CADM2: variants seen among roughly 807,000 people sequenced by gnomAD.
CADM2 encodes the protein immunoglobulin superfamily member 4D.
A neutral mutation model predicts 49.8 loss-of-function variants in CADM2; 12 were observed. The observed-to-expected ratio is 0.24, with a 90% CI of 0.15 to 0.39. The LOEUF (loss-of-function observed/expected upper bound fraction) is 0.39, where lower values mean the gene tolerates loss of function less well. Among genes scored for constraint, CADM2 ranks in the 10% least tolerant of loss-of-function variants. The pLI, the probability that CADM2 is intolerant of heterozygous loss-of-function variation, is 1.00. For missense variants in CADM2, 378 were observed against 492.3 expected, an observed-to-expected ratio of 0.77 and a Z score of 2.20; for synonymous variants, 214 against 175.4, an observed-to-expected ratio of 1.22 and a Z score of -1.74.
chr3:86,039,746 A>G (rs1324704979), intron 8 of CADM2, among the ~76,000 whole-genome samples: 1 of 152,180 alleles, frequency 6.6e-6, no homozygotes, highest in Non-Finnish European at 1.5e-5. Flanking sequence ...TGGTTCTCCC[A>G]GCAGGCAGCT....
intron 8 of CADM2, among the ~76,000 whole-genome samples, chr3:85,990,731 TTGTTCTTTTGTGAATATCAA>T (rs1293165681): frequency 6.6e-6 from 1 of 152,184 alleles, no homozygotes; most frequent in African/African-American, 2.4e-5. Context: ...AAAAATGACT[TTGTTCTTTTGTGAATATCAA>T]TGAGATTATC....
Position 85,565,884 on chromosome 3 carries a change from C to CT in CADM2, c.62-160628dup, listed in dbSNP as rs75142626. Among the ~76,000 whole-genome samples the CT allele has an allele frequency of 6.4e-4, 97 of 150,572 alleles. 1 individual carries two copies. The highest frequency in any genetic ancestry group is 1.8e-3 in the African/African-American group (73 of 40,878). ...TTCCATCGTTTTCTTTTAACTTACACTTTTTTTTTTGTTTAAGTACTCCAA... is the reference window on the plus strand; with the variant it reads ...TTCCATCGTTTTCTTTTAACTTACACTTTTTTTTTTTGTTTAAGTACTCCAA... On this transcript the variant is annotated intron_variant, in intron 1 of 9. Transcript: ENST00000383699.
chr3:85,044,031 G>T (rs2107375280), intron 1 of CADM2, among the ~76,000 whole-genome samples: 1 of 152,140 alleles, frequency 6.6e-6, no homozygotes, highest in South Asian at 2.1e-4. Flanking sequence ...TGGTTCAGCA[G>T]GGTTAATGAA....
At chr3:84,974,961 A>G (rs377764842) in intron 1 of CADM2, among the ~76,000 whole-genome samples, 1 of 151,876 alleles carries the variant, frequency 6.6e-6, no homozygotes, top group African/African-American at 2.4e-5. Context: ...AAATGCTGCA[A>G]ATATGTGATC....
chr3:85,184,025 T>C lies in CADM2; in HGVS notation c.61+224357T>C, dbSNP rs111656981. Reference sequence around the variant, plus strand: ...ATGGTTAGATCATTAGGTGTTTGAATGACAAGATGTCCAGAAAACTGTAAG... The same window carrying C: ...ATGGTTAGATCATTAGGTGTTTGAACGACAAGATGTCCAGAAAACTGTAAG... On this transcript the variant is annotated intron_variant, in intron 1 of 9. Coordinates refer to ENST00000383699, the MANE Select transcript of CADM2 (RefSeq NM_001167675.2). Among the ~76,000 whole-genome samples the C allele has an allele frequency of 6.9e-3, 1,051 of 152,222 alleles. 9 individuals are homozygous for C. Among genetic ancestry groups the C allele is most frequent in the African/African-American group, 0.023 (961 of 41,540 alleles).
intron 1 of CADM2, among the ~76,000 whole-genome samples, chr3:85,667,537 T>C (rs1003426443): frequency 1.3e-5 from 2 of 152,000 alleles, no homozygotes; most frequent in Admixed American, 6.6e-5. Flanking sequence ...TGAAGAGCAC[T>C]CCTCTTTGAT....
At chr3:85,544,985 C>T (rs1224600982) in intron 1 of CADM2, among the ~76,000 whole-genome samples, 3 of 152,018 alleles carry the variant, frequency 2.0e-5, no homozygotes, top group African/African-American at 4.8e-5. Flanking sequence ...CATCCAACTC[C>T]CACCCAGACC....
chr3:85,409,985 G>A (rs2035582545), intron 1 of CADM2, among the ~76,000 whole-genome samples: 2 of 152,050 alleles, frequency 1.3e-5, no homozygotes, highest in South Asian at 4.1e-4. Context: ...GACAACTCTT[G>A]AGTATTCTCT....
At chr3:85,205,711 C>T (rs149278765) in intron 1 of CADM2, among the ~76,000 whole-genome samples, 3 of 152,020 alleles carry the variant, frequency 2.0e-5, no homozygotes, top group African/African-American at 7.2e-5. Context: ...TTCTAGTTTC[C>T]TATTACAATA....
chr3:85,379,676 G>A (rs1168456289), intron 1 of CADM2, among the ~76,000 whole-genome samples: 3 of 151,934 alleles, frequency 2.0e-5, no homozygotes, highest in Non-Finnish European at 4.4e-5. Flanking sequence ...AATCAATATT[G>A]TACCCTTCAA....
intron 1 of CADM2, among the ~76,000 whole-genome samples, chr3:85,040,349 G>T (rs547702445): frequency 6.6e-6 from 1 of 152,208 alleles, no homozygotes; most frequent in East Asian, 1.9e-4. Context: ...CCTTGCCTTT[G>T]TTAGCATGTT....
At chr3:85,434,584 G>C (rs1386019605) in intron 1 of CADM2, among the ~76,000 whole-genome samples, 1 of 151,888 alleles carries the variant, frequency 6.6e-6, no homozygotes, top group African/African-American at 2.4e-5. Context: ...ATTATTGACT[G>C]CCCAAATTAT....
chr3:85,762,638 T>G (rs1310587768), intron 2 of CADM2, among the ~76,000 whole-genome samples: 1 of 151,858 alleles, frequency 6.6e-6, no homozygotes, highest in Non-Finnish European at 1.5e-5. Context: ...TGTTATTTTA[T>G]TTATCCTATT....
chr3:85,031,517 T>A (rs2107325115), intron 1 of CADM2, among the ~76,000 whole-genome samples: 1 of 152,110 alleles, frequency 6.6e-6, no homozygotes, highest in East Asian at 1.9e-4. Context: ...ATTATTATCA[T>A]TATTATTATT....
chr3:85,274,656 C>T (rs1028498520), intron 1 of CADM2, among the ~76,000 whole-genome samples: 8 of 151,442 alleles, frequency 5.3e-5, no homozygotes, highest in African/African-American at 1.9e-4. Context: ...ATCTTTCTCC[C>T]TCTTGCATAT....
intron 1 of CADM2, among the ~76,000 whole-genome samples, chr3:85,376,989 T>C (rs1391915642): frequency 6.6e-6 from 1 of 152,070 alleles, no homozygotes; most frequent in African/African-American, 2.4e-5. Flanking sequence ...ATTTATTAAA[T>C]TCATCAGATC....
chr3:85,008,997 G>T (rs1055180633), intron 1 of CADM2, among the ~76,000 whole-genome samples: 1 of 152,144 alleles, frequency 6.6e-6, no homozygotes, highest in African/African-American at 2.4e-5. Flanking sequence ...TTGTTCTTGG[G>T]ATTGCCATAG....
At chr3:85,104,939 GAA>G in intron 1 of CADM2, among the ~76,000 whole-genome samples, 1 of 152,286 alleles carries the variant, frequency 6.6e-6, no homozygotes, top group Middle Eastern at 3.4e-3. Flanking sequence ...AGACTTTGCT[GAA>G]GTTTCTTATC....
intron 1 of CADM2, among the ~76,000 whole-genome samples, chr3:85,159,142 A>G (rs1050211230): frequency 1.2e-4 from 19 of 152,328 alleles, no homozygotes; most frequent in Admixed American, 1.2e-3. Context: ...CTTCATATCA[A>G]TAGTCTTCAA....
Sources: gnomAD v4.1 joint callset for allele counts (sites outside exome capture counted in the v4.1 genomes callset) on GRCh38, gnomAD v4.1.1 for gene constraint, MANE v1.5 for transcripts, NCBI Gene and HGNC (gene_info 2026-07-23, HGNC 2026-07-21) for gene names.